The following THSD7B variants were observed in gnomAD, a reference collection of about 807,000 sequenced individuals.
The protein encoded by THSD7B is thrombospondin type-1 domain-containing protein 7B.
Under a neutral mutation model 213.6 loss-of-function variants are expected in THSD7B, and 138 were observed. The observed-to-expected ratio is 0.65, with a 90% confidence interval of 0.56 to 0.74. The LOEUF is 0.74. Ranked by LOEUF, THSD7B falls within the 30% of genes least tolerant of loss-of-function variation. THSD7B has a pLI of 0.00. For synonymous variants in THSD7B, 742 were observed against 687.0 expected (o/e 1.08, Z -1.25); for missense variants, 1,931 against 1,991.5 (o/e 0.97, Z 0.58).
chr2:136,969,381 T>G (rs1685369721), intron 2 of THSD7B, among the ~76,000 whole-genome samples: 1 of 152,204 alleles, frequency 6.6e-6, no homozygotes, highest in African/African-American at 2.4e-5. Context: ...CAAAATATTT[T>G]ACATTAAAGT....
At chr2:137,052,628 T>A (rs1687089867) in intron 2 of THSD7B, among the ~76,000 whole-genome samples, 1 of 152,170 alleles carries the variant, frequency 6.6e-6, no homozygotes, top group Non-Finnish European at 1.5e-5. Context: ...TGCAACTGCT[T>A]ACATTTTTAA....
chr2:137,522,791 A>T (rs1680208966), intron 15 of THSD7B, among the ~76,000 whole-genome samples: 1 of 152,222 alleles, frequency 6.6e-6, no homozygotes, highest in Non-Finnish European at 1.5e-5. Context: ...CTTAGGAATT[A>T]TATGCTGTGA....
intron 7 of THSD7B, among the ~76,000 whole-genome samples, chr2:137,175,261 A>G (rs1680337281): frequency 6.6e-6 from 1 of 152,190 alleles, no homozygotes; most frequent in Non-Finnish European, 1.5e-5. Flanking sequence ...TAATTTGCCA[A>G]ATAGGCTATC....
chr2:137,141,814 G>A (rs938275143), intron 5 of THSD7B, among the ~76,000 whole-genome samples: 2 of 151,860 alleles, frequency 1.3e-5, no homozygotes, highest in African/African-American at 4.8e-5. Flanking sequence ...CCTACTCCCC[G>A]TGCCCCACAC....
chr2:136,812,918 A>T (rs1047537533), intron 1 of THSD7B, among the ~76,000 whole-genome samples: 1 of 152,232 alleles, frequency 6.6e-6, no homozygotes, highest in African/African-American at 2.4e-5. Context: ...GCAAGTTCAT[A>T]TAAGTAGTCA....
At chr2:136,810,053 G>C (rs943881572) in intron 1 of THSD7B, among the ~76,000 whole-genome samples, 1 of 152,102 alleles carries the variant, frequency 6.6e-6, no homozygotes, top group African/African-American at 2.4e-5. Context: ...AAAGGTAGGG[G>C]GTATGCTGGC....
At chr2:137,404,454 TATATATATATATATATATATAC>T (rs1686450873) in intron 12 of THSD7B, among the ~76,000 whole-genome samples, 2 of 106,548 alleles carry the variant, frequency 1.9e-5, no homozygotes, top group South Asian at 7.0e-4. Flanking sequence ...TATATATATA[TATATATATATATATATATATAC>T]ACACACACAC....
chr2:137,148,181 T>C (rs1010375049), intron 5 of THSD7B, among the ~76,000 whole-genome samples: 6 of 152,056 alleles, frequency 3.9e-5, no homozygotes, highest in African/African-American at 1.4e-4. Flanking sequence ...AAAGGACTTT[T>C]CCCCCTCTCT....
At chr2:137,406,192 TCTAA>T (rs1220216320) in intron 13 of THSD7B, among the ~76,000 whole-genome samples, 1 of 152,204 alleles carries the variant, frequency 6.6e-6, no homozygotes, top group African/African-American at 2.4e-5. Flanking sequence ...CAAAAACAGA[TCTAA>T]CTGACATCAT....
At chr2:137,299,687 CTG>C (rs75426537) in intron 12 of THSD7B, among the ~76,000 whole-genome samples, 9,344 of 152,138 alleles carry the variant, frequency 0.061, 538 homozygotes, top group African/African-American at 0.14. Flanking sequence ...CAACAATACA[CTG>C]TTTTCACACT....
chr2:137,489,122 C>T (rs142786907), intron 15 of THSD7B, among the ~76,000 whole-genome samples: 89 of 152,188 alleles, frequency 5.8e-4, no homozygotes, highest in African/African-American at 1.9e-3. Context: ...GGTCTATTGT[C>T]TCCCCTTCTT....
intron 4 of THSD7B, among the ~76,000 whole-genome samples, chr2:137,110,346 G>A (rs145766470): frequency 1.7e-4 from 26 of 152,286 alleles, no homozygotes; most frequent in African/African-American, 5.8e-4. Flanking sequence ...GTTTGGACAG[G>A]CCTATTTCTT....
intron 1 of THSD7B, among the ~76,000 whole-genome samples, chr2:136,862,211 T>G (rs1573674940): frequency 6.6e-6 from 1 of 152,210 alleles, no homozygotes; most frequent in Admixed American, 6.5e-5. Flanking sequence ...GAGTCCATCT[T>G]GGAGCTGGCT....
chr2:137,191,523 C>T (rs1291606299), intron 7 of THSD7B, among the ~76,000 whole-genome samples: 1 of 151,914 alleles, frequency 6.6e-6, no homozygotes, highest in African/African-American at 2.4e-5. Context: ...CTTTTCTTAC[C>T]AGATGTCTGG....
In THSD7B at chr2:137,056,521, T is replaced by A. The variant is rs1687165462; in HGVS notation, c.241T>A (p.Cys81Ser). The A allele has an allele frequency of 1.2e-6, 2 of 1,613,854 alleles. No individual in the cohort carries two copies. Among genetic ancestry groups the A allele is most frequent in the Admixed American group, 1.7e-5 (1 of 60,002 alleles). ...CGGGTGGACAAGTCACCTGTCTAACTGTGGTGAGAGCAACAGGCCTCCAAA... is the reference window on the plus strand; with the variant it reads ...CGGGTGGACAAGTCACCTGTCTAACAGTGGTGAGAGCAACAGGCCTCCAAA... ...VDGWTSHLSNCGESNRPPKER... is the reference protein window; with the variant it reads ...VDGWTSHLSNSGESNRPPKER... Residue 81 changes from cysteine to serine, a missense_variant, in exon 3 of 28, where the codon TGT becomes AGT. By Grantham distance (112) the Cys-to-Ser change is moderately radical. Coordinates refer to ENST00000409968, the MANE Select transcript of THSD7B (RefSeq NM_001316349.2).
intron 17 of THSD7B, among the ~76,000 whole-genome samples, chr2:137,610,674 A>G (rs1682271895): frequency 1.3e-5 from 2 of 152,136 alleles, no homozygotes; most frequent in Admixed American, 1.3e-4. Flanking sequence ...TAGGCTGCAG[A>G]CACCAACCTA....
chr2:136,836,239 A>G (rs1382247619), intron 1 of THSD7B, among the ~76,000 whole-genome samples: 1 of 152,336 alleles, frequency 6.6e-6, no homozygotes, highest in Admixed American at 6.5e-5. Flanking sequence ...GTAATCGCAC[A>G]TGAAAATGTC....
chr2:136,982,846 A>G (rs1335262911), intron 2 of THSD7B, among the ~76,000 whole-genome samples: 1 of 152,158 alleles, frequency 6.6e-6, no homozygotes, highest in African/African-American at 2.4e-5. Flanking sequence ...TTATAAACAG[A>G]ATTGTTCATT....
In THSD7B at chr2:137,389,402, A is replaced by ATTT. The variant is rs70978214; in HGVS notation, c.2501-16186_2501-16184dup. On this transcript the variant is annotated intron_variant, in intron 12 of 27. Transcript: ENST00000409968. ...GATAGTTTGACCACTTCTTAATGTGATTTTTTTTTTTTTTTTTTTTTTTTT... is the reference window on the plus strand; with the variant it reads ...GATAGTTTGACCACTTCTTAATGTGATTTTTTTTTTTTTTTTTTTTTTTTTTTT... Among the ~76,000 whole-genome samples, 50 of 38,076 alleles carry ATTT rather than the reference A, an allele frequency of 1.3e-3. 8 individuals are homozygous for ATTT. Among genetic ancestry groups the ATTT allele is most frequent in the South Asian group, 5.4e-3 (3 of 556 alleles). 25.0% of individuals were successfully genotyped at this position (38,076 alleles called of 152,430 possible).
Sources: allele counts gnomAD v4.1 joint callset (sites outside exome capture counted in the v4.1 genomes callset), GRCh38; gene constraint gnomAD v4.1.1; transcripts MANE v1.5; gene names NCBI Gene and HGNC (gene_info 2026-07-23, HGNC 2026-07-21).